Variants in NOS1 observed in about 807,000 individuals in gnomAD.
NOS1 encodes the protein nitric oxide synthase 1.
Under a neutral mutation model 164.5 loss-of-function variants are expected in NOS1, and 51 were observed. The observed-to-expected ratio is 0.31, with a 90% CI of 0.25 to 0.39. NOS1 has a LOEUF of 0.39. Ranked by LOEUF, NOS1 falls within the 10% of genes least tolerant of loss-of-function variation. The pLI, the probability that NOS1 is intolerant of heterozygous loss-of-function variation, is 1.00. For synonymous variants in NOS1, 719 were observed against 745.8 expected (o/e 0.96, Z 0.59); for missense variants, 1,362 against 1,885.6 (o/e 0.72, Z 5.14).
intron 6 of NOS1, 68 bp from the exon 7 acceptor site, chr12:117,285,400 C>A: frequency 1.9e-6 from 2 of 1,071,784 alleles, no homozygotes; most frequent in Admixed American, 2.0e-5. Flanking sequence ...GCGCAATCTT[C>A]CCATTTTAGG....
In NOS1 at chr12:117,211,078, TC is replaced by T; in HGVS notation, c.*4230del. 1 of 595,952 alleles carries T rather than the reference TC, an allele frequency of 1.7e-6. No homozygotes were observed. The highest frequency in any genetic ancestry group is 2.1e-6 in the Non-Finnish European group (1 of 474,616). 36.9% of individuals were successfully genotyped at this position (595,952 alleles called of 1,614,324 possible). On this transcript the variant is annotated 3_prime_UTR_variant, in exon 29 of 29. Coordinates refer to ENST00000317775, the MANE Select transcript of NOS1 (RefSeq NM_000620.5). Reference sequence around the variant, plus strand: ...CTCAAGCGATCCTCCTTCCTCAGCCTCCCAGGTAGCTGAGACTACAGGCGCA... The same window carrying T: ...CTCAAGCGATCCTCCTTCCTCAGCCTCCAGGTAGCTGAGACTACAGGCGCA...
chr12:117,259,364 T>C (rs1180403620), intron 14 of NOS1, among the ~76,000 whole-genome samples: 2 of 152,164 alleles, frequency 1.3e-5, no homozygotes, highest in Non-Finnish European at 2.9e-5. Context: ...GACCTTGCTA[T>C]GGTCACTGTG....
intron 21 of NOS1, among the ~76,000 whole-genome samples, chr12:117,233,211 C>CTA (rs1362710680): frequency 2.6e-5 from 4 of 151,640 alleles, no homozygotes; most frequent in Admixed American, 2.0e-4. Flanking sequence ...CCATGCCTGG[C>CTA]TAATTTTTTG....
chr12:117,298,848 G>A (rs1227352847), intron 3 of NOS1, among the ~76,000 whole-genome samples: 1 of 152,236 alleles, frequency 6.6e-6, no homozygotes, highest in African/African-American at 2.4e-5. Context: ...ACCAGTTGGT[G>A]GTGTTTTATT....
intron 13 of NOS1, among the ~76,000 whole-genome samples, chr12:117,263,412 G>A (rs1383076085): frequency 6.6e-6 from 1 of 151,840 alleles, no homozygotes; most frequent in Non-Finnish European, 1.5e-5. Flanking sequence ...CAGGAGGATC[G>A]CTTGAGGCCA....
chr12:117,283,675 G>A (rs1484933719), intron 7 of NOS1, among the ~76,000 whole-genome samples: 1 of 151,938 alleles, frequency 6.6e-6, no homozygotes, highest in Non-Finnish European at 1.5e-5. Flanking sequence ...GGCCAACATG[G>A]TGAAACCCTG....
intron 1 of NOS1, among the ~76,000 whole-genome samples, chr12:117,355,977 G>A (rs928135062): frequency 6.6e-6 from 1 of 152,110 alleles, no homozygotes. Context: ...GGGCTCAAAC[G>A]CTGAGCTCAA....
Position 117,318,860 on chromosome 12 carries a change from G to A in NOS1, c.726-7268C>T, listed in dbSNP as rs1467083333. Among the ~76,000 whole-genome samples the A allele has an allele frequency of 2.0e-5, 3 of 152,180 alleles. No individual in the cohort carries two copies. The East Asian group carries it at 5.8e-4, about 29-fold the overall frequency. ...TTTCAGCAGACACTCCACTCTCTCT[G>A]ACTCCTGCTTCTCCTGGCCCTGCAT... is the stretch of plus-strand genomic sequence containing the variant. On this transcript the variant is annotated intron_variant, in intron 2 of 28. Coordinates refer to ENST00000317775, the MANE Select transcript of NOS1 (RefSeq NM_000620.5).
At chr12:117,238,308 C>G (rs1408853742) in intron 20 of NOS1, among the ~76,000 whole-genome samples, 1 of 152,242 alleles carries the variant, frequency 6.6e-6, no homozygotes, top group Non-Finnish European at 1.5e-5. Flanking sequence ...AATTCACACC[C>G]TATACAAGTA....
chr12:117,245,782 G>C (rs536998985), intron 18 of NOS1: 3 of 152,310 alleles, frequency 2.0e-5, no homozygotes, highest in African/African-American at 7.2e-5. Context: ...GCTGGGCATT[G>C]CGGCAGGCAC....
chr12:117,258,575 G>A (rs1474835681), intron 15 of NOS1, 120 bp from the exon 16 acceptor site: 3 of 913,678 alleles, frequency 3.3e-6, no homozygotes, highest in Non-Finnish European at 3.5e-6. Context: ...AGGCCAGGAT[G>A]TCAGGAGCGG....
At chr12:117,318,556 T>A (rs1481474623) in intron 2 of NOS1, among the ~76,000 whole-genome samples, 1 of 152,172 alleles carries the variant, frequency 6.6e-6, no homozygotes, top group East Asian at 1.9e-4. Context: ...TCTGAGAATC[T>A]TTGCCAGATC....
chr12:117,215,434 CTT>C, intron 28 of NOS1, 110 bp from the exon 29 acceptor site: 4 of 1,180,404 alleles, frequency 3.4e-6, no homozygotes, highest in South Asian at 2.9e-5. Flanking sequence ...GGCTTTGTCT[CTT>C]TCTTTTTTTT....
In NOS1 at chr12:117,272,062, G is replaced by A. The variant is rs1872826603; in HGVS notation, c.1839+323C>T. Among the ~76,000 whole-genome samples, 1 of 152,198 alleles carries A rather than the reference G, an allele frequency of 6.6e-6. No individual in the cohort carries two copies. Among genetic ancestry groups the A allele is most frequent in the South Asian group, 2.1e-4 (1 of 4,818 alleles). ...TTCCCAGCCCTGCTGCCGGCTAGCT[G>A]TGTGACCTTGAGCTTGTCATCTGTC... On this transcript the variant is annotated intron_variant, in intron 10 of 28. Transcript: ENST00000317775. The surrounding 1 kb of genome is among the most constrained non-coding windows in gnomAD (Gnocchi z 4.3).
intron 28 of NOS1, among the ~76,000 whole-genome samples, chr12:117,215,712 C>T (rs906589122): frequency 3.3e-5 from 5 of 151,876 alleles, no homozygotes; most frequent in Non-Finnish European, 7.4e-5. Context: ...GGATTGCAGG[C>T]GTGAGCCACT....
rs371526684 is a variant in NOS1 at position 117,265,435 on chromosome 12, A to T, written c.2017T>A (p.Cys673Ser). The stretch of plus-strand genomic sequence containing the variant: ...CAGTCGGCAGGGCAGCCCCCCCGGC[A>T]GCGGTACTCATTCTCCATGTGCTTA... ...FIKHMENEYRCRGGCPADWVW... is the reference protein window; with the variant it reads ...FIKHMENEYRSRGGCPADWVW... Residue 673 changes from cysteine (C) to serine (S), a missense_variant, in exon 12 of 29, where the codon TGC (cysteine) becomes AGC (serine). Cys to Ser is a moderately radical substitution (Grantham distance 112). Coordinates refer to ENST00000317775, the MANE Select transcript of NOS1 (RefSeq NM_000620.5). The T allele has an allele frequency of 4.3e-5, 69 of 1,591,284 alleles. No homozygotes were observed. In the African/African-American group the frequency reaches 5.4e-4, roughly 12 times the overall value.
chr12:117,358,783 T>C (rs7305221), intron 1 of NOS1, among the ~76,000 whole-genome samples: 30,642 of 151,896 alleles, frequency 0.2, 3,274 homozygotes, highest in Admixed American at 0.25. Flanking sequence ...ATTTGGGACT[T>C]TGGGGAAAAA....
Position 117,220,249 on chromosome 12 carries a change from C to T in NOS1, c.3996G>A (p.Leu1332=). ...DKPKKYVQDI[L]QEQLAESVYR... ...ACACAGACTCCGCCAGCTGCTCCTG[C>T]AGGATGTCCTGCACGTACTTCTGCA... Residue 1332 remains leucine (L), a synonymous_variant, in exon 27 of 29, where the codon CTG becomes CTA. Coordinates refer to ENST00000317775, the MANE Select transcript of NOS1 (RefSeq NM_000620.5). 6 of 1,610,426 alleles carry T rather than the reference C, an allele frequency of 3.7e-6. No homozygotes were observed. Among genetic ancestry groups the T allele is most frequent in the Non-Finnish European group, 5.1e-6 (6 of 1,179,380 alleles).
chr12:117,255,319 A>T (rs1871355228), intron 16 of NOS1, among the ~76,000 whole-genome samples: 1 of 152,196 alleles, frequency 6.6e-6, no homozygotes, highest in Non-Finnish European at 1.5e-5. Context: ...ACAAGCAACC[A>T]AAACTCCAAA....
Sources: gnomAD v4.1 joint callset for allele counts (sites outside exome capture counted in the v4.1 genomes callset) on GRCh38, gnomAD v4.1.1 for gene constraint, Gnocchi (gnomAD v3.1) non-coding constraint, MANE v1.5 for transcripts, NCBI Gene and HGNC (gene_info 2026-07-23, HGNC 2026-07-21) for gene names.